The following SNX8 variants were observed in gnomAD, a reference collection of about 807,000 sequenced individuals.
SNX8 encodes sorting nexin-8.
Under a neutral mutation model 51.6 loss-of-function variants are expected in SNX8, and 25 were observed. The observed-to-expected ratio is 0.48, with a 90% confidence interval of 0.35 to 0.68. The LOEUF (loss-of-function observed/expected upper bound fraction) is 0.68, where lower values mean the gene tolerates loss of function less well. Ranked by LOEUF, SNX8 falls within the 30% of genes least tolerant of loss-of-function variation. The pLI is 0.00. For missense variants in SNX8, 695 were observed against 624.0 expected, an observed-to-expected ratio of 1.11 and a Z score of -1.21; for synonymous variants, 324 against 277.0, an observed-to-expected ratio of 1.17 and a Z score of -1.68.
intron 7 of SNX8, among the ~76,000 whole-genome samples, chr7:2,258,204 G>A (rs1402973885): frequency 6.6e-6 from 1 of 151,992 alleles, no homozygotes; most frequent in East Asian, 1.9e-4. Context: ...TTTTAGTAGA[G>A]ACGGGGTTTC....
At chr7:2,276,642 T>TAAAA in intron 2 of SNX8, among the ~76,000 whole-genome samples, 1 of 128,414 alleles carries the variant, frequency 7.8e-6, no homozygotes, top group East Asian at 2.3e-4. Context: ...ATTTGTACTT[T>TAAAA]AAAAAAAAAA....
intron 1 of SNX8, among the ~76,000 whole-genome samples, chr7:2,336,743 A>T (rs1471134026): frequency 6.6e-6 from 1 of 151,488 alleles, no homozygotes; most frequent in African/African-American, 2.4e-5. Flanking sequence ...ACAGTGGCTC[A>T]CCCCTGTTAT....
intron 5 of SNX8, among the ~76,000 whole-genome samples, chr7:2,265,379 T>C (rs1795440575): frequency 6.6e-6 from 1 of 151,944 alleles, no homozygotes; most frequent in African/African-American, 2.4e-5. Flanking sequence ...ATACAGTGAC[T>C]CACACCTGTA....
At chr7:2,263,616 G>A (rs187441191) in intron 6 of SNX8, among the ~76,000 whole-genome samples, 3 of 152,202 alleles carry the variant, frequency 2.0e-5, no homozygotes, top group Admixed American at 6.5e-5. Flanking sequence ...CACAGGTGAC[G>A]GGCACTGCTG....
At chr7:2,267,987 G>C (rs1452651470) in intron 5 of SNX8, among the ~76,000 whole-genome samples, 1 of 147,422 alleles carries the variant, frequency 6.8e-6, no homozygotes, top group South Asian at 2.2e-4. Flanking sequence ...TGTGAGGAGC[G>C]CCTCTGCCCG....
chr7:2,336,032 C>T (rs1006254690), intron 1 of SNX8, among the ~76,000 whole-genome samples: 3 of 150,018 alleles, frequency 2.0e-5, no homozygotes, highest in African/African-American at 4.9e-5. Context: ...GAACCCTGGA[C>T]GCAGAGGTTG....
intron 3 of SNX8, among the ~76,000 whole-genome samples, chr7:2,272,848 T>A (rs1795681433): frequency 6.6e-6 from 1 of 151,894 alleles, no homozygotes; most frequent in African/African-American, 2.4e-5. Flanking sequence ...AAATACTTTT[T>A]TTGAGACGGA....
chr7:2,299,973 A>C (rs79280008), intron 1 of SNX8, among the ~76,000 whole-genome samples: 1,698 of 152,262 alleles, frequency 0.011, 38 homozygotes, highest in African/African-American at 0.039. Context: ...AAGAAGGCGC[A>C]CTTCCTTCTC....
At chr7:2,345,263 C>T (rs1480947492) in intron 1 of SNX8, among the ~76,000 whole-genome samples, 1 of 152,126 alleles carries the variant, frequency 6.6e-6, no homozygotes, top group African/African-American at 2.4e-5. Flanking sequence ...ACTAGAACAG[C>T]ATGTACAGAA....
chr7:2,279,303 A>G (rs1167297955), intron 1 of SNX8, among the ~76,000 whole-genome samples: 1 of 143,942 alleles, frequency 6.9e-6, no homozygotes, highest in African/African-American at 2.6e-5. Flanking sequence ...TCGAAGCCGG[A>G]CTCACTCACA....
intron 1 of SNX8, among the ~76,000 whole-genome samples, chr7:2,323,223 G>A (rs990008656): frequency 4.6e-5 from 7 of 151,458 alleles, no homozygotes; most frequent in East Asian, 1.9e-4. Flanking sequence ...CCATCTGCTC[G>A]GGAAGCTGAG....
At chr7:2,282,384 A>AG (rs1262951653) in intron 1 of SNX8, among the ~76,000 whole-genome samples, 1 of 152,150 alleles carries the variant, frequency 6.6e-6, no homozygotes, top group African/African-American at 2.4e-5. Flanking sequence ...GCATGCGGTG[A>AG]GGGGCAAAGT....
intron 1 of SNX8, among the ~76,000 whole-genome samples, chr7:2,327,553 GC>G (rs1460321772): frequency 2.0e-5 from 3 of 152,106 alleles, no homozygotes; most frequent in Admixed American, 6.6e-5. Context: ...GACTACATGT[GC>G]CCGCCACCAT....
At chr7:2,348,178 G>A (rs1430764972) in intron 1 of SNX8, among the ~76,000 whole-genome samples, 1 of 152,110 alleles carries the variant, frequency 6.6e-6, no homozygotes, top group African/African-American at 2.4e-5. Flanking sequence ...ATCGCCATCT[G>A]TAGGTGAATC....
intron 1 of SNX8, among the ~76,000 whole-genome samples, chr7:2,320,845 C>T (rs1024420718): frequency 3.3e-5 from 5 of 152,114 alleles, no homozygotes; most frequent in South Asian, 2.1e-4. Context: ...ACATGTGAAA[C>T]CCTGTCTCTA....
chr7:2,272,373 TTTTC>T (rs890390069), intron 3 of SNX8, among the ~76,000 whole-genome samples: 135 of 151,314 alleles, frequency 8.9e-4, no homozygotes, highest in Non-Finnish European at 1.6e-3. Flanking sequence ...CCAGGTCTTC[TTTTC>T]TTTTTTTTTT....
rs1795110418 is a variant in SNX8, at chr7:2,253,927, G to C, written c.*1129C>G. 6.6e-6 allele frequency: 1 copy of C among 152,222 alleles called. No individual in the cohort carries two copies. Among genetic ancestry groups the C allele is most frequent in the Non-Finnish European group, 1.5e-5 (1 of 68,106 alleles). The allele number at this position is 152,222 out of a possible 1,614,324, so 9.4% of individuals were successfully genotyped here. On this transcript the variant is annotated 3_prime_UTR_variant, in exon 11 of 11. Transcript: ENST00000222990. ...CCAGCACCCCTCCCCGGCCAGGGAG[G>C]GGCGTCAGGCTCCGGAGAAGTGCAG...
At chr7:2,315,086 C>T (rs1796732407), upstream of SNX8, among the ~76,000 whole-genome samples, 1 of 149,790 alleles carries the variant, frequency 6.7e-6, no homozygotes, top group African/African-American at 2.5e-5. Flanking sequence ...TCACTGCATC[C>T]TACATTCATT....
In SNX8 at chr7:2,306,218, T is replaced by G. The variant is rs540897135; in HGVS notation, c.94+8110A>C. Among the ~76,000 whole-genome samples, 17 of 152,292 alleles carry G rather than the reference T, an allele frequency of 1.1e-4. No homozygotes were observed. The East Asian group carries it at 3.1e-3, about 28-fold the overall frequency. On this transcript the variant is annotated intron_variant, in intron 1 of 10. Coordinates refer to ENST00000222990, the MANE Select transcript of SNX8 (RefSeq NM_013321.4). ...GTGCAGTGGCGCGATCTCAGCTCAC[T>G]GCAACCTCGAGCAATTCTCCTTCCT...
Sources: allele counts gnomAD v4.1 joint callset (sites outside exome capture counted in the v4.1 genomes callset), GRCh38; gene constraint gnomAD v4.1.1; transcripts MANE v1.5; gene names NCBI Gene and HGNC (gene_info 2026-07-23, HGNC 2026-07-21).